PDCD6IP: variants seen among roughly 807,000 people sequenced by gnomAD.
PDCD6IP encodes programmed cell death 6-interacting protein.
A neutral mutation model predicts 103.7 loss-of-function variants in PDCD6IP; 43 were observed. The ratio of observed to expected loss-of-function variants is 0.41; its 90% CI spans 0.32 to 0.53. The LOEUF (loss-of-function observed/expected upper bound fraction) is 0.53, where lower values mean the gene tolerates loss of function less well. Among genes scored for constraint, PDCD6IP ranks in the 20% least tolerant of loss-of-function variants. The pLI is 0.16. For missense variants in PDCD6IP, 871 were observed against 1,036.7 expected (o/e 0.84, Z 2.20); for synonymous variants, 354 against 378.7 (o/e 0.93, Z 0.76).
chr3:33,855,795 A>G (rs1697813944), intron 15 of PDCD6IP, among the ~76,000 whole-genome samples: 1 of 152,268 alleles, frequency 6.6e-6, no homozygotes, highest in Non-Finnish European at 1.5e-5. Flanking sequence ...AACATTTACC[A>G]AAATAATATT....
In PDCD6IP at chr3:33,855,377, G is replaced by A. The variant is rs932470304; in HGVS notation, c.2120+117G>A. 4.8e-6 allele frequency: 3 copies of A among 621,676 alleles called. No homozygotes were observed. In the African/African-American group the frequency reaches 5.6e-5, roughly 12 times the overall value. 38.5% of individuals were successfully genotyped at this position (621,676 alleles called of 1,614,324 possible). ...TAGCAATTTTCCTCTTCTCATGGAA[G>A]AAGGAACTAGATAGAGTATTTTACA... On this transcript the variant is annotated intron_variant, in intron 15 of 17. Transcript: ENST00000307296.
chr3:33,816,988 G>C (rs575729302), intron 3 of PDCD6IP, among the ~76,000 whole-genome samples: 1 of 152,180 alleles, frequency 6.6e-6, no homozygotes, highest in South Asian at 2.1e-4. Context: ...AGCAAAAATT[G>C]GTAATTAAAT....
intron 3 of PDCD6IP, among the ~76,000 whole-genome samples, chr3:33,821,429 A>AT (rs113206667): frequency 0.023 from 3,335 of 146,912 alleles, 90 homozygotes; most frequent in African/African-American, 0.073. Context: ...AGGTGTGTAG[A>AT]TTTTTTTTTT....
chr3:33,864,473 A>G (rs1485368539), intron 16 of PDCD6IP, among the ~76,000 whole-genome samples: 1 of 152,230 alleles, frequency 6.6e-6, no homozygotes, highest in Non-Finnish European at 1.5e-5. Context: ...TCTAAAAGTG[A>G]ATGTCATAGA....
chr3:33,839,540 T>C (rs1171959557), intron 9 of PDCD6IP, among the ~76,000 whole-genome samples: 1 of 152,234 alleles, frequency 6.6e-6, no homozygotes, highest in Non-Finnish European at 1.5e-5. Context: ...CTCTTTCACC[T>C]GTTAATGGGC....
Position 33,845,545 on chromosome 3 carries a change from C to G in PDCD6IP, c.1598C>G (p.Ala533Gly). 1 of 1,612,450 alleles carries G rather than the reference C, an allele frequency of 6.2e-7. No individual in the cohort carries two copies. Among genetic ancestry groups the G allele is most frequent in the Non-Finnish European group, 8.5e-7 (1 of 1,178,970 alleles). The change falls in exon 12 of 18, where the codon GCC becomes GGC. Residue 533 changes from alanine to glycine, a missense_variant. Transcript: ENST00000307296. ...AAGCCAGAGCCTGAGCTGAATGCTGCCATCCCTTCTGCTAATCCAGCAAAG... is the reference window on the plus strand; with the variant it reads ...AAGCCAGAGCCTGAGCTGAATGCTGGCATCCCTTCTGCTAATCCAGCAAAG... The part of the protein sequence containing the change: ...LCKPEPELNA[A>G]IPSANPAKTM...
chr3:33,807,725 C>G (rs1404257097), intron 1 of PDCD6IP, among the ~76,000 whole-genome samples: 1 of 152,190 alleles, frequency 6.6e-6, no homozygotes, highest in East Asian at 1.9e-4. Context: ...CAGCCGTGTG[C>G]CACAATTTTG....
In PDCD6IP at chr3:33,845,604, T is replaced by C. The variant is rs377306436; in HGVS notation, c.1641+16T>C. ...GGGCAGTGAGGTAAGAAGGACACTTTGATGTAGGTTGTCATCTGCTTAAGA... is the reference window on the plus strand; with the variant it reads ...GGGCAGTGAGGTAAGAAGGACACTTCGATGTAGGTTGTCATCTGCTTAAGA... On this transcript the variant is annotated intron_variant, in intron 12 of 17. Transcript: ENST00000307296. The C allele has an allele frequency of 3.8e-6, 6 of 1,574,088 alleles. No homozygotes were observed. The African/African-American group carries it at 6.8e-5, about 18-fold the overall frequency.
chr3:33,802,560 G>A (rs1195688564), intron 1 of PDCD6IP, among the ~76,000 whole-genome samples: 1 of 151,250 alleles, frequency 6.6e-6, no homozygotes, highest in African/African-American at 2.4e-5. Context: ...CATGATCTCG[G>A]CTCACCACAA....
At chr3:33,837,677 C>T (rs1293008623) in intron 8 of PDCD6IP, among the ~76,000 whole-genome samples, 2 of 152,072 alleles carry the variant, frequency 1.3e-5, no homozygotes, top group East Asian at 3.9e-4. Flanking sequence ...CAACCTCCGC[C>T]TCCTGGGTTC....
chr3:33,838,003 G>T (rs574189620), intron 8 of PDCD6IP, among the ~76,000 whole-genome samples: 6 of 152,262 alleles, frequency 3.9e-5, no homozygotes, highest in Admixed American at 2.0e-4. Context: ...TTTCATTGTT[G>T]CCGTTGTCCA....
chr3:33,806,292 A>G (rs1270549699), intron 1 of PDCD6IP, among the ~76,000 whole-genome samples: 2 of 152,198 alleles, frequency 1.3e-5, no homozygotes, highest in African/African-American at 4.8e-5. Flanking sequence ...AACTATTTTA[A>G]GCACTTCATA....
At chr3:33,840,407 G>A (rs1697442839) in intron 9 of PDCD6IP, among the ~76,000 whole-genome samples, 1 of 152,138 alleles carries the variant, frequency 6.6e-6, no homozygotes, top group Admixed American at 6.5e-5. Context: ...ACAGGTACAC[G>A]GACTCATGTA....
intron 9 of PDCD6IP, among the ~76,000 whole-genome samples, chr3:33,838,756 G>T (rs1381479537): frequency 6.7e-6 from 1 of 149,482 alleles, no homozygotes; most frequent in African/African-American, 2.5e-5. Flanking sequence ...ATATGTATAT[G>T]TGTGTGTGTG....
chr3:33,814,246 G>A (rs937056272), intron 3 of PDCD6IP, among the ~76,000 whole-genome samples: 4 of 151,302 alleles, frequency 2.6e-5, no homozygotes, highest in African/African-American at 7.3e-5. Context: ...CTGGGTTCAA[G>A]TGATTCTCCT....
chr3:33,860,449 C>T (rs1697927919), intron 15 of PDCD6IP, among the ~76,000 whole-genome samples: 2 of 152,154 alleles, frequency 1.3e-5, no homozygotes, highest in South Asian at 4.1e-4. Flanking sequence ...TGAATGTTCA[C>T]AAACTGCGTA....
intron 2 of PDCD6IP, 139 bp from the exon 3 acceptor site, chr3:33,813,420 G>T: frequency 1.9e-6 from 1 of 530,624 alleles, no homozygotes; most frequent in Non-Finnish European, 3.4e-6. Flanking sequence ...GAGAAGGAAA[G>T]GAAGTTGGGT....
chr3:33,820,264 G>C (rs1208390585), intron 3 of PDCD6IP, among the ~76,000 whole-genome samples: 4 of 146,822 alleles, frequency 2.7e-5, no homozygotes. Context: ...GCCTGGGTGA[G>C]AGAATGAGAC....
chr3:33,801,894 C>T (rs1420045926), intron 1 of PDCD6IP, among the ~76,000 whole-genome samples: 1 of 152,132 alleles, frequency 6.6e-6, no homozygotes, highest in Non-Finnish European at 1.5e-5. Flanking sequence ...TATCAGCTTT[C>T]TAAATTTTAT....
Sources: gnomAD v4.1 joint callset for allele counts (sites outside exome capture counted in the v4.1 genomes callset) on GRCh38, gnomAD v4.1.1 for gene constraint, MANE v1.5 for transcripts, NCBI Gene and HGNC (gene_info 2026-07-23, HGNC 2026-07-21) for gene names.